TNFSF4: variants seen among roughly 807,000 people sequenced by gnomAD.
The protein encoded by TNFSF4 is tumor necrosis factor ligand superfamily member 4.
TNFSF4 carries 4 observed loss-of-function variants against 7.3 expected under a neutral mutation model. The observed-to-expected ratio is 0.55, with a 90% CI of 0.27 to 1.25. TNFSF4 has a LOEUF of 1.25. TNFSF4 is among the 50% of genes most tolerant of loss of function. The probability of loss-of-function intolerance (pLI) is 0.12; values close to 1 mark genes in which losing one functional copy is unlikely to be tolerated. For synonymous variants in TNFSF4, 76 were observed against 83.7 expected, an observed-to-expected ratio of 0.91 and a Z score of 0.50; for missense variants, 181 against 208.8, an observed-to-expected ratio of 0.87 and a Z score of 0.82.
At chr1:173,369,746 C>A in the TNFSF4 span, among the ~76,000 whole-genome samples, 2 of 152,100 alleles carry the variant, frequency 1.3e-5, no homozygotes, top group Non-Finnish European at 2.9e-5. Context: ...AAAATGGCCA[C>A]CTGAAGGGAG....
the TNFSF4 span, among the ~76,000 whole-genome samples, chr1:173,429,408 G>C: frequency 2.6e-5 from 4 of 152,198 alleles, no homozygotes; most frequent in African/African-American, 9.7e-5. Flanking sequence ...GCATCTGTTA[G>C]GTGCTAAATA....
chr1:173,266,191 G>A, the TNFSF4 span, among the ~76,000 whole-genome samples: 1 of 152,156 alleles, frequency 6.6e-6, no homozygotes, highest in African/African-American at 2.4e-5. Flanking sequence ...TGAAGGATGA[G>A]TATGTATTTG....
intron 1 of TNFSF4, among the ~76,000 whole-genome samples, chr1:173,200,684 A>G (rs1649906592): frequency 6.6e-6 from 1 of 151,848 alleles, no homozygotes; most frequent in South Asian, 2.1e-4. Context: ...TTCCATCTTG[A>G]TCTTTGACAC....
At chr1:173,446,123 C>T in the TNFSF4 span, among the ~76,000 whole-genome samples, 1 of 151,852 alleles carries the variant, frequency 6.6e-6, no homozygotes, top group Non-Finnish European at 1.5e-5. Context: ...TCAATAAATG[C>T]TACCACTGAG....
At chr1:173,433,196 C>T in the TNFSF4 span, among the ~76,000 whole-genome samples, 1 of 152,260 alleles carries the variant, frequency 6.6e-6, no homozygotes, top group East Asian at 1.9e-4. Context: ...TGGCAGTCCC[C>T]AAGACTCCTC....
At chr1:173,214,976 T>A in the TNFSF4 span, among the ~76,000 whole-genome samples, 2 of 152,158 alleles carry the variant, frequency 1.3e-5, no homozygotes, top group Admixed American at 6.5e-5. Context: ...ATGGCCTGAA[T>A]GTTTGTGTTC....
chr1:173,256,526 T>C, the TNFSF4 span, among the ~76,000 whole-genome samples: 1 of 152,160 alleles, frequency 6.6e-6, no homozygotes, highest in Admixed American at 6.5e-5. Flanking sequence ...CATTGGGGGC[T>C]AGGGCTTCAA....
At chr1:173,268,803 A>G in the TNFSF4 span, among the ~76,000 whole-genome samples, 6 of 152,152 alleles carry the variant, frequency 3.9e-5, no homozygotes, top group African/African-American at 1.4e-4. Flanking sequence ...TATATCATGC[A>G]TAATCAATAA....
At chr1:173,415,507 T>G in the TNFSF4 span, among the ~76,000 whole-genome samples, 1 of 152,256 alleles carries the variant, frequency 6.6e-6, no homozygotes, top group Middle Eastern at 3.4e-3. Flanking sequence ...CCTTACACTA[T>G]CAATTTGGGA....
chr1:173,238,707 A>G, the TNFSF4 span, among the ~76,000 whole-genome samples: 2,639 of 149,418 alleles, frequency 0.018, 87 homozygotes, highest in African/African-American at 0.06. Flanking sequence ...GTGAGATCCC[A>G]TGTTACACCA....
the TNFSF4 span, among the ~76,000 whole-genome samples, chr1:173,262,592 A>G: frequency 2.5e-4 from 37 of 148,210 alleles, no homozygotes; most frequent in African/African-American, 8.2e-4. Flanking sequence ...CTCAGCCCAA[A>G]AGATTCTTTT....
At chr1:173,328,175 T>TA in the TNFSF4 span, among the ~76,000 whole-genome samples, 2 of 151,944 alleles carry the variant, frequency 1.3e-5, no homozygotes, top group East Asian at 1.9e-4. Context: ...TATGCAGCCA[T>TA]AAAAAATGAT....
At chr1:173,274,118 T>C in the TNFSF4 span, among the ~76,000 whole-genome samples, 1 of 105,734 alleles carries the variant, frequency 9.5e-6, no homozygotes, top group Non-Finnish European at 2.1e-5. Flanking sequence ...TGCTTCTCCA[T>C]GTTCATACAC....
At chr1:173,408,603 T>C in the TNFSF4 span, among the ~76,000 whole-genome samples, 222 of 152,222 alleles carry the variant, frequency 1.5e-3, 1 homozygote, top group African/African-American at 5.1e-3. Context: ...GTTGTTTTTT[T>C]TTTCTTTTGA....
the TNFSF4 span, among the ~76,000 whole-genome samples, chr1:173,234,434 C>T: frequency 1.3e-5 from 2 of 152,180 alleles, no homozygotes; most frequent in African/African-American, 4.8e-5. Flanking sequence ...ACCCAGCCAT[C>T]CCATTACTGG....
the TNFSF4 span, among the ~76,000 whole-genome samples, chr1:173,350,643 C>T: frequency 2.0e-5 from 3 of 152,204 alleles, no homozygotes; most frequent in Non-Finnish European, 4.4e-5. Flanking sequence ...CTTGGAGCAA[C>T]TCTTCCATGT....
chr1:173,244,858 T>C, the TNFSF4 span, among the ~76,000 whole-genome samples: 1 of 152,134 alleles, frequency 6.6e-6, no homozygotes, highest in Admixed American at 6.5e-5. Context: ...TGTGTGTCTA[T>C]AAGAAATGCA....
At chr1:173,227,094 C>A in the TNFSF4 span, among the ~76,000 whole-genome samples, 2 of 145,764 alleles carry the variant, frequency 1.4e-5, no homozygotes, top group South Asian at 2.2e-4. Context: ...GGAAATGGAA[C>A]ATCTAGTCTA....
the TNFSF4 span, among the ~76,000 whole-genome samples, chr1:173,370,175 G>A: frequency 1.3e-5 from 2 of 152,208 alleles, no homozygotes; most frequent in Non-Finnish European, 2.9e-5. Context: ...ATATACAGAT[G>A]TCCTACAGGG....
Sources: allele counts gnomAD v4.1 joint callset (sites outside exome capture counted in the v4.1 genomes callset), GRCh38; gene constraint gnomAD v4.1.1; transcripts MANE v1.5; gene names NCBI Gene and HGNC (gene_info 2026-07-23, HGNC 2026-07-21).